Variants in ITFG2 observed in about 807,000 individuals in gnomAD.
ITFG2 encodes integrin alpha FG-GAP repeat containing 2, also known as KICSTOR complex protein ITFG2.
Under a neutral mutation model 54.4 loss-of-function variants are expected in ITFG2, and 36 were observed. That is an observed-to-expected ratio of 0.66 (90% CI 0.51 to 0.87). The LOEUF (loss-of-function observed/expected upper bound fraction) is 0.87, where lower values mean the gene tolerates loss of function less well. Among genes scored for constraint, ITFG2 ranks in the 40% least tolerant of loss-of-function variants. The pLI is 0.00. For missense variants in ITFG2, 524 were observed against 576.7 expected (o/e 0.91, Z 0.94); for synonymous variants, 211 against 225.4 (o/e 0.94, Z 0.57).
chr12:2,821,847 TGA>T (rs2097945974), intron 9 of ITFG2, 55 bp downstream of exon 9: 1 of 1,322,740 alleles, frequency 7.6e-7, no homozygotes, highest in South Asian at 1.2e-5. Context: ...CATGGAGAGA[TGA>T]GATTTGGAAT....
intron 1 of ITFG2, among the ~76,000 whole-genome samples, chr12:2,814,567 C>T (rs1157515708): frequency 1.6e-4 from 24 of 152,144 alleles, no homozygotes; most frequent in African/African-American, 5.1e-4. Context: ...TGATGGCTCA[C>T]GCCTGTAATC....
Position 2,854,296 on chromosome 12 carries a change from A to G in ITFG2, n.301-3716A>G, listed in dbSNP as rs558134758. On this transcript the variant is annotated intron_variant and non_coding_transcript_variant, in intron 2 of 3. Coordinates refer to the ITFG2 transcript ENST00000537710. ...CGCCTCGGCCTCCTAAAGTTCTGGG[A>G]TTACAGGCGTGAGCCACCACGCCCT... is the stretch of plus-strand genomic sequence containing the variant. 1.6e-3 allele frequency among the ~76,000 whole-genome samples: 249 copies of G among 152,336 alleles called. 1 individual carries two copies. The highest frequency in any genetic ancestry group is 8.5e-3 in the South Asian group (41 of 4,824).
intron 2 of ITFG2, chr12:2,856,948 C>A (rs558469106): frequency 4.3e-6 from 3 of 703,052 alleles, no homozygotes; most frequent in African/African-American, 3.5e-5. Context: ...GATGGGCCAC[C>A]CCCTACCTGC....
chr12:2,858,764 C>T lies in ITFG2; in HGVS notation n.620+433C>T, dbSNP rs369132152. On this transcript the variant is annotated intron_variant and non_coding_transcript_variant, in intron 3 of 3. Coordinates refer to the ITFG2 transcript ENST00000537710. ...GGCTGTCATTCATTGTGTCCAGGAC[C>T]AGGCCTTCTGTCAGAGAACGATTGG... 3.7e-6 allele frequency: 6 copies of T among 1,614,094 alleles called. No homozygotes were observed. The African/African-American group carries it at 5.3e-5, about 14-fold the overall frequency.
chr12:2,830,888 A>G, exon 3 of ITFG2: 1 of 1,606,328 alleles, frequency 6.2e-7, no homozygotes, highest in Non-Finnish European at 8.5e-7. Flanking sequence ...CAATGAAGGT[A>G]GGCAGTTCTA....
At chr12:2,832,143 A>T (rs544544635), upstream of ITFG2, among the ~76,000 whole-genome samples, 1 of 152,332 alleles carries the variant, frequency 6.6e-6, no homozygotes, top group South Asian at 2.1e-4. Context: ...CAGATGTTTC[A>T]TTGTGACAAG....
intron 2 of ITFG2, 118 bp from the exon 3 acceptor site, chr12:2,817,791 C>T (rs1015947353): frequency 2.8e-5 from 26 of 941,746 alleles, no homozygotes; most frequent in Non-Finnish European, 3.9e-5. Context: ...GTTCATATGG[C>T]GAAAGTCTTC....
intron 2 of ITFG2, among the ~76,000 whole-genome samples, chr12:2,848,350 C>T (rs2098058983): frequency 6.6e-6 from 1 of 152,334 alleles, no homozygotes; most frequent in African/African-American, 2.4e-5. Flanking sequence ...CAACCATCTC[C>T]ACCCCAGCCA....
intron 4 of ITFG2, 89 bp downstream of exon 4, chr12:2,818,366 A>C: frequency 1.9e-6 from 3 of 1,568,286 alleles, no homozygotes; most frequent in Non-Finnish European, 2.6e-6. Flanking sequence ...GAGAGGGAGA[A>C]TCCGTATTCA....
At position 2,812,895 on chromosome 12, in the gene ITFG2, T is replaced by C. The variant is rs1251270402; in HGVS notation, c.96+39T>C. ...CACCGCAAGAGACAGCCTGGATCTGTGCAGGGACGGGGCAAGGGAAGTGGA... is the reference window on the plus strand; with the variant it reads ...CACCGCAAGAGACAGCCTGGATCTGCGCAGGGACGGGGCAAGGGAAGTGGA... On this transcript the variant is annotated intron_variant, in intron 1 of 11. Coordinates refer to ENST00000228799, the MANE Select transcript of ITFG2 (RefSeq NM_018463.4). 3.4e-5 allele frequency: 52 copies of C among 1,546,436 alleles called. No individual in the cohort carries two copies. The Admixed American group carries it at 5.7e-4, about 17-fold the overall frequency.
rs1603482843 is a variant in ITFG2 at position 2,819,045 on chromosome 12, C to T, written c.406+768C>T. 4.6e-5 allele frequency among the ~76,000 whole-genome samples: 7 copies of T among 151,762 alleles called. 2 individuals carry two copies. Reference sequence around the variant, plus strand: ...AAAAGAAAATAAGTGCAGCCGACCACGGTGGTTCACGCCTGTAATCCCAGC... The same window carrying T: ...AAAAGAAAATAAGTGCAGCCGACCATGGTGGTTCACGCCTGTAATCCCAGC... On this transcript the variant is annotated intron_variant, in intron 4 of 11. Transcript: ENST00000228799.
At chr12:2,847,148 A>G (rs1012276854) in intron 2 of ITFG2, among the ~76,000 whole-genome samples, 2 of 152,108 alleles carry the variant, frequency 1.3e-5, no homozygotes, top group African/African-American at 4.8e-5. Flanking sequence ...CATTTAGCAT[A>G]ATGTTTTCAA....
Position 2,859,043 on chromosome 12 carries a change from T to A in ITFG2, n.621-491T>A, listed in dbSNP as rs759166699. 4 of 1,609,510 alleles carry A rather than the reference T, an allele frequency of 2.5e-6. No homozygotes were observed. The South Asian group carries it at 3.3e-5, about 13-fold the overall frequency. On this transcript the variant is annotated intron_variant and non_coding_transcript_variant, in intron 3 of 3. Transcript: ENST00000537710. ...TGAAATCCAGTCCCCCTACTTTGGC[T>A]GGGGGCGTGAGCCTCCAGGATTCAG...
chr12:2,830,817 G>A lies in ITFG2; in HGVS notation c.*60-17G>A, dbSNP rs756586590. On this transcript the variant is annotated splice_polypyrimidine_tract_variant and intron_variant and NMD_transcript_variant, in intron 2 of 2. Transcript: ENST00000538822. ...GGGAGGCTCCCCCTGAAGCCAATTC[G>A]GGTTTCCCTCCACCAGGCGTCTTTG... is the stretch of plus-strand genomic sequence containing the variant. 34 of 1,613,520 alleles carry A rather than the reference G, an allele frequency of 2.1e-5. No homozygotes were observed. The highest frequency in any genetic ancestry group is 3.3e-4 in the Middle Eastern group (2 of 6,074).
At chr12:2,857,350 T>C in intron 2 of ITFG2, 1 of 411,054 alleles carries the variant, frequency 2.4e-6, no homozygotes, top group Non-Finnish European at 4.5e-6. Flanking sequence ...AACTGGGCCC[T>C]TCCTGCCCTA....
downstream of ITFG2, among the ~76,000 whole-genome samples, chr12:2,831,785 T>A (rs1394850795): frequency 6.6e-6 from 1 of 152,068 alleles, no homozygotes; most frequent in East Asian, 1.9e-4. Flanking sequence ...TCTTTCAAGA[T>A]GGGATCTTGC....
Position 2,824,471 on chromosome 12 carries a change from C to A in ITFG2, c.*278C>A. On this transcript the variant is annotated 3_prime_UTR_variant, in exon 12 of 12. Coordinates refer to ENST00000228799, the MANE Select transcript of ITFG2 (RefSeq NM_018463.4). ...GGACCCTGGCCTTGTTCCAAATCAT[C>A]TGGGACATGACCCACTCCCCACTGT... The A allele has an allele frequency of 2.2e-6, 1 of 448,074 alleles. No individual in the cohort carries two copies. The highest frequency in any genetic ancestry group is 3.3e-5 in the Admixed American group (1 of 30,584). The allele number at this position is 448,074 out of a possible 1,614,324, so 27.8% of individuals were successfully genotyped here.
At chr12:2,843,363 T>C (rs2098045980) in intron 2 of ITFG2, among the ~76,000 whole-genome samples, 1 of 152,226 alleles carries the variant, frequency 6.6e-6, no homozygotes, top group African/African-American at 2.4e-5. Context: ...TTCCAAAGGC[T>C]GCCAGGCAAG....
At chr12:2,844,838 C>T (rs993181182) in intron 2 of ITFG2, among the ~76,000 whole-genome samples, 1 of 152,156 alleles carries the variant, frequency 6.6e-6, no homozygotes, top group South Asian at 2.1e-4. Flanking sequence ...CTAGTGTCAA[C>T]GTTCCATAAA....
Sources: allele counts gnomAD v4.1 joint callset (sites outside exome capture counted in the v4.1 genomes callset), GRCh38; gene constraint gnomAD v4.1.1; transcripts MANE v1.5; gene names NCBI Gene and HGNC (gene_info 2026-07-23, HGNC 2026-07-21).